ST6GALNAC3: variants seen among roughly 807,000 people sequenced by gnomAD.
ST6GALNAC3 encodes alpha-N-acetylgalactosaminide alpha-2,6-sialyltransferase 3.
Under a neutral mutation model 32.7 loss-of-function variants are expected in ST6GALNAC3, and 25 were observed. The observed-to-expected ratio is 0.76, with a 90% confidence interval of 0.56 to 1.07. The LOEUF is 1.07. ST6GALNAC3 is among the 50% of genes least tolerant of loss of function. ST6GALNAC3 has a pLI of 0.00. For synonymous variants in ST6GALNAC3, 129 were observed against 133.1 expected, an observed-to-expected ratio of 0.97 and a Z score of 0.21; for missense variants, 355 against 382.4, an observed-to-expected ratio of 0.93 and a Z score of 0.60.
intron 3 of ST6GALNAC3, among the ~76,000 whole-genome samples, chr1:76,446,502 C>A (rs1656978158): frequency 1.3e-5 from 2 of 152,296 alleles, no homozygotes; most frequent in South Asian, 4.2e-4. Flanking sequence ...CTCCCTCCTA[C>A]TAACCTCTGG....
At chr1:76,134,054 C>T (rs948201784) in intron 1 of ST6GALNAC3, among the ~76,000 whole-genome samples, 1 of 152,118 alleles carries the variant, frequency 6.6e-6, no homozygotes, top group African/African-American at 2.4e-5. Context: ...TCACCGTATA[C>T]CCAGAACAGA....
intron 3 of ST6GALNAC3, among the ~76,000 whole-genome samples, chr1:76,469,359 T>C (rs1658869537): frequency 6.6e-6 from 1 of 152,042 alleles, no homozygotes; most frequent in African/African-American, 2.4e-5. Context: ...TAGCACAATG[T>C]CTTGCCTAGT....
chr1:76,337,906 G>A (rs1039703154), intron 2 of ST6GALNAC3, among the ~76,000 whole-genome samples: 2 of 152,078 alleles, frequency 1.3e-5, no homozygotes, highest in Non-Finnish European at 2.9e-5. Context: ...TTTCCAAAGG[G>A]CTGCGTGAGG....
chr1:76,623,350 G>A (rs118163007), intron 3 of ST6GALNAC3, among the ~76,000 whole-genome samples: 3 of 151,866 alleles, frequency 2.0e-5, no homozygotes, highest in Non-Finnish European at 4.4e-5. Flanking sequence ...CTCTTCACAC[G>A]CCTGCCTTTA....
intron 3 of ST6GALNAC3, among the ~76,000 whole-genome samples, chr1:76,494,649 G>GCGCA (rs142496688): frequency 4.3e-4 from 29 of 67,702 alleles, no homozygotes; most frequent in African/African-American, 1.7e-3. Context: ...ATGTGTATGC[G>GCGCA]CACACACACA....
intron 1 of ST6GALNAC3, among the ~76,000 whole-genome samples, chr1:76,184,460 A>AT (rs1653403876): frequency 6.7e-6 from 1 of 149,896 alleles, no homozygotes; most frequent in Admixed American, 6.7e-5. Flanking sequence ...AATTGCTTGA[A>AT]CCCAGGAGGT....
At chr1:76,437,583 T>TC (rs1656234989) in intron 3 of ST6GALNAC3, among the ~76,000 whole-genome samples, 1 of 4,866 alleles carries the variant, frequency 2.1e-4, no homozygotes, top group African/African-American at 1.1e-3. Context: ...TTTTTTTCTC[T>TC]TTTTTTTTTT....
intron 3 of ST6GALNAC3, among the ~76,000 whole-genome samples, chr1:76,426,015 C>T (rs1045176624): frequency 2.0e-5 from 3 of 151,838 alleles, no homozygotes; most frequent in Non-Finnish European, 4.4e-5. Context: ...TTTTGAAAAG[C>T]ATATATTCTA....
At chr1:76,128,733 C>A (rs1412489461) in intron 1 of ST6GALNAC3, among the ~76,000 whole-genome samples, 2 of 152,150 alleles carry the variant, frequency 1.3e-5, no homozygotes, top group Non-Finnish European at 2.9e-5. Context: ...CCCTGCCCAA[C>A]TGAGATAGCA....
At chr1:76,376,415 T>G (rs999437974) in intron 2 of ST6GALNAC3, among the ~76,000 whole-genome samples, 1 of 152,160 alleles carries the variant, frequency 6.6e-6, no homozygotes, top group Non-Finnish European at 1.5e-5. Flanking sequence ...AACAGTTCTA[T>G]CACAAGGATA....
intron 3 of ST6GALNAC3, among the ~76,000 whole-genome samples, chr1:76,438,186 G>C (rs560071054): frequency 2.8e-4 from 41 of 148,556 alleles, no homozygotes; most frequent in South Asian, 1.5e-3. Flanking sequence ...GAGTCTCGCT[G>C]TGTCACCCAG....
chr1:76,617,444 A>G (rs1648373410), intron 3 of ST6GALNAC3, among the ~76,000 whole-genome samples: 1 of 152,190 alleles, frequency 6.6e-6, no homozygotes, highest in African/African-American at 2.4e-5. Context: ...ATCTTTAATT[A>G]CCTTTATCAG....
At chr1:76,138,532 A>C (rs1203597259) in intron 1 of ST6GALNAC3, among the ~76,000 whole-genome samples, 1 of 152,200 alleles carries the variant, frequency 6.6e-6, no homozygotes, top group Non-Finnish European at 1.5e-5. Flanking sequence ...TGTACTCTGC[A>C]TCGCTGCAGT....
intron 3 of ST6GALNAC3, among the ~76,000 whole-genome samples, chr1:76,583,255 C>A (rs116242739): frequency 0.013 from 1,941 of 152,210 alleles, 30 homozygotes; most frequent in Admixed American, 0.037. Context: ...TCTTTCTGCC[C>A]TATATTTTTG....
rs55656754 is a variant in ST6GALNAC3, at chr1:76,474,383, C to T, written c.623+61966C>T. On this transcript the variant is annotated intron_variant, in intron 3 of 4. Coordinates refer to ENST00000328299, the MANE Select transcript of ST6GALNAC3 (RefSeq NM_152996.4). ...GAGAGCAGTAGGTGGCAAGGTTCAGCGGGACCTCATGATTGGATCTGGGAC... is the reference window on the plus strand; with the variant it reads ...GAGAGCAGTAGGTGGCAAGGTTCAGTGGGACCTCATGATTGGATCTGGGAC... Among the ~76,000 whole-genome samples the T allele has an allele frequency of 2.4e-3, 372 of 152,134 alleles. 2 individuals are homozygous for T. The highest frequency in any genetic ancestry group is 8.4e-3 in the African/African-American group (347 of 41,538).
intron 1 of ST6GALNAC3, among the ~76,000 whole-genome samples, chr1:76,229,608 C>T (rs2100633048): frequency 6.6e-6 from 1 of 152,250 alleles, no homozygotes; most frequent in South Asian, 2.1e-4. Flanking sequence ...TTCCAGAGGG[C>T]CTAGTTGGGC....
rs1649350915 is a variant in ST6GALNAC3 at position 76,632,576 on chromosome 1, A to G, written c.*3770A>G. On this transcript the variant is annotated 3_prime_UTR_variant, in exon 5 of 5. Transcript: ENST00000328299. ...TGAAAAAGGAAAATTATACAAGGAG[A>G]TTGCTCTTGGAGGATTTGGTATGAA... is the stretch of plus-strand genomic sequence containing the variant. The G allele has an allele frequency of 1.3e-5, 2 of 152,136 alleles. No homozygotes were observed. Among genetic ancestry groups the G allele is most frequent in the African/African-American group, 2.4e-5 (1 of 41,436 alleles). 9.4% of individuals were successfully genotyped at this position (152,136 alleles called of 1,614,324 possible).
intron 1 of ST6GALNAC3, among the ~76,000 whole-genome samples, chr1:76,225,473 G>C (rs951101634): frequency 6.6e-6 from 1 of 152,092 alleles, no homozygotes; most frequent in Admixed American, 6.6e-5. Context: ...AGGGACATGA[G>C]GAGGAAAACA....
chr1:76,387,368 G>A (rs1321691640), intron 2 of ST6GALNAC3, among the ~76,000 whole-genome samples: 1 of 152,000 alleles, frequency 6.6e-6, no homozygotes, highest in Admixed American at 6.6e-5. Flanking sequence ...GCCAAATGAA[G>A]GGATGATGTC....
Sources: gnomAD v4.1 joint callset for allele counts (sites outside exome capture counted in the v4.1 genomes callset) on GRCh38, gnomAD v4.1.1 for gene constraint, MANE v1.5 for transcripts, NCBI Gene and HGNC (gene_info 2026-07-23, HGNC 2026-07-21) for gene names.